ABCC4: variants seen among roughly 807,000 people sequenced by gnomAD.
ABCC4 encodes ATP-binding cassette sub-family C member 4.
A neutral mutation model predicts 168.5 loss-of-function variants in ABCC4; 102 were observed. The observed-to-expected ratio is 0.61, with a 90% confidence interval of 0.52 to 0.71. The LOEUF is 0.71. Among genes scored for constraint, ABCC4 ranks in the 30% least tolerant of loss-of-function variants. The probability of loss-of-function intolerance (pLI) is 0.00; values close to 1 mark genes in which losing one functional copy is unlikely to be tolerated. For missense variants in ABCC4, 1,402 were observed against 1,605.8 expected (o/e 0.87, Z 2.17); for synonymous variants, 617 against 590.7 (o/e 1.04, Z -0.65).
At chr13:95,032,279 A>G (rs1261558062) in intron 30 of ABCC4, among the ~76,000 whole-genome samples, 5 of 152,170 alleles carry the variant, frequency 3.3e-5, no homozygotes, top group Admixed American at 3.3e-4. Context: ...TTCCCTCTCT[A>G]TGCCTCAGCC....
At chr13:95,134,142 G>A (rs1321047433) in intron 19 of ABCC4, among the ~76,000 whole-genome samples, 1 of 152,152 alleles carries the variant, frequency 6.6e-6, no homozygotes, top group Non-Finnish European at 1.5e-5. Flanking sequence ...TTCAGAGGCA[G>A]TAACCATCCT....
At chr13:95,219,014 AAAGG>A (rs2039235797) in intron 4 of ABCC4, among the ~76,000 whole-genome samples, 3 of 151,756 alleles carry the variant, frequency 2.0e-5, no homozygotes, top group Non-Finnish European at 2.9e-5. Context: ...AGTGAGAAAG[AAAGG>A]AAGGAAGGAA....
intron 26 of ABCC4, among the ~76,000 whole-genome samples, chr13:95,056,918 A>T (rs2033081543): frequency 1.3e-5 from 2 of 152,060 alleles, no homozygotes; most frequent in African/African-American, 2.4e-5. Context: ...GTGCTATCAT[A>T]AATGTTGAAT....
chr13:95,170,544 C>T lies in ABCC4; in HGVS notation c.1812G>A (p.Leu604=), dbSNP rs752366673. 3 of 1,610,040 alleles carry T rather than the reference C, an allele frequency of 1.9e-6. No homozygotes were observed. Among genetic ancestry groups the T allele is most frequent in the Non-Finnish European group, 2.5e-6 (3 of 1,178,496 alleles). Residue 604 remains leucine (L), a synonymous_variant, in exon 14 of 31, where the codon CTG becomes CTA. Coordinates refer to ENST00000645237, the MANE Select transcript of ABCC4 (RefSeq NM_005845.5). Reference sequence around the variant, plus strand: ...AGAAACTACTTACATCTTTCAATATCAGAATCTGACTTGCAGCTTTGAGGT... The same window carrying T: ...AGAAACTACTTACATCTTTCAATATTAGAATCTGACTTGCAGCTTTGAGGT... ...LQYLKAASQI[L]ILKDGKMVQK...
At chr13:95,216,945 TA>T (rs1386656385) in intron 4 of ABCC4, among the ~76,000 whole-genome samples, 1 of 152,204 alleles carries the variant, frequency 6.6e-6, no homozygotes, top group Non-Finnish European at 1.5e-5. Context: ...CTATTTGTAA[TA>T]TACAAAAACT....
chr13:95,211,010 T>C (rs1340161823), intron 4 of ABCC4, among the ~76,000 whole-genome samples: 1 of 150,918 alleles, frequency 6.6e-6, no homozygotes, highest in African/African-American at 2.4e-5. Context: ...TCCCACCTCA[T>C]TTAATGAATT....
In ABCC4 at chr13:95,249,167, G is replaced by A. The variant is rs150534727; in HGVS notation, c.75-1414C>T. Among the ~76,000 whole-genome samples, 130 of 151,944 alleles carry A rather than the reference G, an allele frequency of 8.6e-4. 1 individual carries two copies. Among genetic ancestry groups the A allele is most frequent in the African/African-American group, 2.8e-3 (118 of 41,436 alleles). On this transcript the variant is annotated intron_variant, in intron 1 of 30. Transcript: ENST00000645237. ...GCTCAGGAGGTCAAGGCTGCAGTGA[G>A]CTGTGATCGCCACTGCACACCAGCC...
intron 20 of ABCC4, among the ~76,000 whole-genome samples, chr13:95,103,705 G>T (rs1380075505): frequency 6.6e-6 from 1 of 152,126 alleles, no homozygotes; most frequent in Non-Finnish European, 1.5e-5. Context: ...TTGTTTTCCT[G>T]ATGCTGGTAC....
intron 3 of ABCC4, among the ~76,000 whole-genome samples, chr13:95,241,057 T>C (rs764003432): frequency 7.9e-5 from 12 of 151,906 alleles, no homozygotes; most frequent in Non-Finnish European, 1.0e-4. Flanking sequence ...AAATGTAGAA[T>C]TGAAGTTATT....
In ABCC4 at chr13:95,299,859, C is replaced by A. The variant is rs560897105; in HGVS notation, c.74+1382G>T. 2.7e-4 allele frequency among the ~76,000 whole-genome samples: 41 copies of A among 152,198 alleles called. 1 individual carries two copies. Among genetic ancestry groups the A allele is most frequent in the African/African-American group, 9.9e-4 (41 of 41,538 alleles). On this transcript the variant is annotated intron_variant, in intron 1 of 30. Coordinates refer to ENST00000645237, the MANE Select transcript of ABCC4 (RefSeq NM_005845.5). ...CCCCCACACACACCCGCCACTCCCC[C>A]AAGACGGAGTCTCACTCTGTCACCC...
At chr13:95,025,231 A>C (rs866528291) in intron 30 of ABCC4, among the ~76,000 whole-genome samples, 33 of 27,170 alleles carry the variant, frequency 1.2e-3, no homozygotes, top group African/African-American at 4.0e-3. Flanking sequence ...CCCCACACAC[A>C]CCCATACACA....
intron 1 of ABCC4, among the ~76,000 whole-genome samples, chr13:95,252,633 C>T (rs775451570): frequency 2.0e-4 from 30 of 152,102 alleles, no homozygotes; most frequent in Non-Finnish European, 1.6e-4. Context: ...TGAGATCGCA[C>T]CTTTGCACTC....
At chr13:95,292,367 A>T (rs576481274) in intron 1 of ABCC4, among the ~76,000 whole-genome samples, 15 of 152,210 alleles carry the variant, frequency 9.9e-5, no homozygotes, top group African/African-American at 3.6e-4. Flanking sequence ...TCAAACAAAG[A>T]AACAAAGATT....
chr13:95,021,302 T>A lies in ABCC4; in HGVS notation c.*273A>T. ...TTAAAAATGAGCTTTGACTCTGTAG[T>A]CTCTTAAGGCACAAAACCTGATAGA... On this transcript the variant is annotated 3_prime_UTR_variant, in exon 31 of 31. Transcript: ENST00000645237. The A allele has an allele frequency of 3.1e-6, 1 of 318,598 alleles. No individual in the cohort carries two copies. Among genetic ancestry groups the A allele is most frequent in the African/African-American group, 2.1e-5 (1 of 46,704 alleles). 19.7% of individuals were successfully genotyped at this position (318,598 alleles called of 1,614,324 possible).
At chr13:95,158,897 C>T (rs1396071836) in intron 19 of ABCC4, among the ~76,000 whole-genome samples, 5 of 151,118 alleles carry the variant, frequency 3.3e-5, no homozygotes, top group Non-Finnish European at 7.4e-5. Context: ...TAGTGAGATC[C>T]CATCTCTTCA....
intron 19 of ABCC4, among the ~76,000 whole-genome samples, chr13:95,120,266 T>C (rs1379621645): frequency 2.0e-5 from 3 of 151,840 alleles, no homozygotes; most frequent in Non-Finnish European, 4.4e-5. Flanking sequence ...CTAATACTTT[T>C]GATAAGAATT....
At position 95,028,792 on chromosome 13, in the gene ABCC4, A is replaced by G. The variant is rs532307151; in HGVS notation, c.3870+5813T>C. On this transcript the variant is annotated intron_variant, in intron 30 of 30. Coordinates refer to ENST00000645237, the MANE Select transcript of ABCC4 (RefSeq NM_005845.5). Reference sequence around the variant, plus strand: ...CATTCACCAGGAAAAAAACAAAAATAGCTAACTTAATTGGAAGTTAATTGG... The same window carrying G: ...CATTCACCAGGAAAAAAACAAAAATGGCTAACTTAATTGGAAGTTAATTGG... Among the ~76,000 whole-genome samples the G allele has an allele frequency of 6.6e-5, 10 of 152,266 alleles. No individual in the cohort carries two copies. In the East Asian group the frequency reaches 1.7e-3, roughly 26 times the overall value.
chr13:95,171,096 T>C (rs2037458125), intron 13 of ABCC4, among the ~76,000 whole-genome samples: 6 of 145,610 alleles, frequency 4.1e-5, no homozygotes. Flanking sequence ...TGGTAACCTT[T>C]GCCAGAGTGC....
chr13:95,276,886 GCA>G (rs1414869189), intron 1 of ABCC4, among the ~76,000 whole-genome samples: 1 of 152,114 alleles, frequency 6.6e-6, no homozygotes, highest in Admixed American at 6.6e-5. Context: ...GAGTGTGGTG[GCA>G]CACGCCTGTA....
Sources: gnomAD v4.1 joint callset for allele counts (sites outside exome capture counted in the v4.1 genomes callset) on GRCh38, gnomAD v4.1.1 for gene constraint, MANE v1.5 for transcripts, NCBI Gene and HGNC (gene_info 2026-07-23, HGNC 2026-07-21) for gene names.